The following FAM227B variants were observed in gnomAD, a reference collection of about 807,000 sequenced individuals.
The protein encoded by FAM227B is protein FAM227B.
In FAM227B, 88 loss-of-function variants were observed where a neutral mutation model predicts 73.8. The observed-to-expected ratio is 1.19, with a 90% CI of 1.00 to 1.42. FAM227B has a LOEUF of 1.42. Ranked by LOEUF, FAM227B falls within the 40% of genes most tolerant of loss-of-function variation. FAM227B has a pLI of 0.00. For missense variants in FAM227B, 632 were observed against 590.9 expected, an observed-to-expected ratio of 1.07 and a Z score of -0.72; for synonymous variants, 210 against 190.5, an observed-to-expected ratio of 1.10 and a Z score of -0.84.
At chr15:49,359,538 G>A (rs2043804496) in intron 13 of FAM227B, among the ~76,000 whole-genome samples, 2 of 117,184 alleles carry the variant, frequency 1.7e-5, no homozygotes, top group South Asian at 5.7e-4. Flanking sequence ...ACCACAATGA[G>A]ATACCATCTC....
intron 11 of FAM227B, among the ~76,000 whole-genome samples, chr15:49,458,839 TC>T (rs925548985): frequency 6.6e-6 from 1 of 151,988 alleles, no homozygotes; most frequent in African/African-American, 2.4e-5. Context: ...TCAAAGTATT[TC>T]CCCCCTGCAC....
At chr15:49,499,165 C>CAAAAAAAA (rs11355557) in intron 11 of FAM227B, among the ~76,000 whole-genome samples, 1 of 53,010 alleles carries the variant, frequency 1.9e-5, no homozygotes, top group Non-Finnish European at 3.3e-5. Flanking sequence ...GACTCCGTCT[C>CAAAAAAAA]AAAAAAAAAA....
chr15:49,578,821 G>A lies in FAM227B; in HGVS notation c.406-1157C>T, dbSNP rs575961673. On this transcript the variant is annotated intron_variant, in intron 5 of 15. Transcript: ENST00000299338. ...TCAGAAATGGGACTATATTAAAACA[G>A]GAGGCTGCTGTACAGCAAAGGAAAC... is the stretch of plus-strand genomic sequence containing the variant. Among the ~76,000 whole-genome samples the A allele has an allele frequency of 8.8e-4, 134 of 152,248 alleles. 5 individuals are homozygous for A. In the South Asian group the frequency reaches 0.027, roughly 30 times the overall value.
chr15:49,339,914 CTG>C (rs1357057129), intron 13 of FAM227B, among the ~76,000 whole-genome samples: 4 of 152,188 alleles, frequency 2.6e-5, no homozygotes, highest in Non-Finnish European at 4.4e-5. Flanking sequence ...TTTGTTTACA[CTG>C]TGCGGGTAAA....
chr15:49,581,412 C>CT (rs2075805951), intron 5 of FAM227B, among the ~76,000 whole-genome samples: 2 of 151,768 alleles, frequency 1.3e-5, no homozygotes, highest in African/African-American at 4.8e-5. Context: ...ACTGCAACTT[C>CT]CCCCTCTCAG....
At position 49,590,023 on chromosome 15, in the gene FAM227B, AAG is replaced by A. The variant is rs763026059; in HGVS notation, c.106-18_106-17del. 1 of 1,265,210 alleles carries A rather than the reference AAG, an allele frequency of 7.9e-7. No homozygotes were observed. Among genetic ancestry groups the A allele is most frequent in the Non-Finnish European group, 1.2e-6 (1 of 865,984 alleles). The allele number at this position is 1,265,210 out of a possible 1,614,324, so 78.4% of individuals were successfully genotyped here. A position where few individuals can be genotyped will look rare whatever the true frequency, so the allele number is the denominator to read the frequency against. On this transcript the variant is annotated splice_polypyrimidine_tract_variant and intron_variant, in intron 3 of 15. Coordinates refer to ENST00000299338, the MANE Select transcript of FAM227B (RefSeq NM_152647.3). ...GCCAATAATCCTGCAAAAAACGTGA[AAG>A]AGAGAATATAGCTTAAGTCATTTTT...
At chr15:49,518,414 G>A (rs1157888615) in intron 10 of FAM227B, among the ~76,000 whole-genome samples, 1 of 152,058 alleles carries the variant, frequency 6.6e-6, no homozygotes, top group Non-Finnish European at 1.5e-5. Context: ...AAAACTGTTG[G>A]GAGAACACTG....
intron 11 of FAM227B, among the ~76,000 whole-genome samples, chr15:49,478,366 T>G (rs1005070165): frequency 6.6e-6 from 1 of 152,012 alleles, no homozygotes; most frequent in African/African-American, 2.4e-5. Context: ...GTTTTCAGTG[T>G]TTTTTGTATA....
intron 3 of FAM227B, among the ~76,000 whole-genome samples, chr15:49,604,024 C>T (rs1487558302): frequency 6.6e-6 from 1 of 152,036 alleles, no homozygotes; most frequent in African/African-American, 2.4e-5. Context: ...ATGAATGATA[C>T]TTTTAATGTT....
At chr15:49,366,694 G>A (rs1170662330) in intron 13 of FAM227B, 9 of 1,427,886 alleles carry the variant, frequency 6.3e-6, no homozygotes, top group Non-Finnish European at 8.8e-6. Flanking sequence ...TCGGACTGGT[G>A]GGTGGCGGGT....
intron 6 of FAM227B, chr15:49,577,420 T>C: frequency 4.3e-6 from 2 of 460,758 alleles, no homozygotes; most frequent in Non-Finnish European, 7.9e-6. Flanking sequence ...CTAATTTTGA[T>C]ATAAACTCAA....
At chr15:49,524,621 A>G (rs568136769) in intron 10 of FAM227B, among the ~76,000 whole-genome samples, 1 of 152,270 alleles carries the variant, frequency 6.6e-6, no homozygotes, top group South Asian at 2.1e-4. Context: ...AGTCCCCAGA[A>G]TGGTAGATCC....
intron 11 of FAM227B, among the ~76,000 whole-genome samples, chr15:49,375,138 A>T (rs2046076399): frequency 6.6e-6 from 1 of 152,206 alleles, no homozygotes; most frequent in Admixed American, 6.5e-5. Flanking sequence ...ATGTTAACAT[A>T]ATATACATAA....
At chr15:49,512,621 A>G (rs1389173152) in intron 10 of FAM227B, among the ~76,000 whole-genome samples, 1 of 152,124 alleles carries the variant, frequency 6.6e-6, no homozygotes, top group African/African-American at 2.4e-5. Flanking sequence ...ATACATGTGC[A>G]GAATGTGCAG....
intron 11 of FAM227B, among the ~76,000 whole-genome samples, chr15:49,387,424 C>G (rs1348581575): frequency 6.6e-6 from 1 of 151,754 alleles, no homozygotes; most frequent in Non-Finnish European, 1.5e-5. Flanking sequence ...GCAGAAAAAG[C>G]ATTTGATAAA....
intron 10 of FAM227B, among the ~76,000 whole-genome samples, chr15:49,528,224 A>G (rs1358800104): frequency 6.6e-6 from 1 of 151,904 alleles, no homozygotes; most frequent in Non-Finnish European, 1.5e-5. Context: ...ATCTTTGACT[A>G]AGTCAACAAA....
Position 49,327,864 on chromosome 15 carries a change from T to TTAGA in FAM227B, c.*700_*703dup, listed in dbSNP as rs1335639059. The TTAGA allele has an allele frequency of 6.3e-6, 8 of 1,271,910 alleles. No individual in the cohort carries two copies. The highest frequency in any genetic ancestry group is 4.7e-5 in the Admixed American group (2 of 42,478). The allele number at this position is 1,271,910 out of a possible 1,614,324, so 78.8% of individuals were successfully genotyped here. On this transcript the variant is annotated 3_prime_UTR_variant, in exon 16 of 16. Transcript: ENST00000299338. ...CCCGCATGTATTTTCTTCTTAGAACTTAGATAGGCTATGTGTTCTACAAAC... is the reference window on the plus strand; with the variant it reads ...CCCGCATGTATTTTCTTCTTAGAACTTAGATAGATAGGCTATGTGTTCTACAAAC...
At chr15:49,604,483 C>T (rs2077389395) in intron 3 of FAM227B, among the ~76,000 whole-genome samples, 1 of 152,010 alleles carries the variant, frequency 6.6e-6, no homozygotes, top group Non-Finnish European at 1.5e-5. Flanking sequence ...ATTATCTCAT[C>T]TTTGACTTTT....
In FAM227B at chr15:49,611,172, T is replaced by G. The variant is rs2077889019; in HGVS notation, c.105+43A>C. 4.1e-6 allele frequency: 5 copies of G among 1,206,150 alleles called. No homozygotes were observed. In the East Asian group the frequency reaches 1.2e-4, roughly 28 times the overall value. The allele number at this position is 1,206,150 out of a possible 1,614,324, so 74.7% of individuals were successfully genotyped here. On this transcript the variant is annotated intron_variant, in intron 3 of 15. Transcript: ENST00000299338. ...CTTCTAAATCTCCATAACTGATATT[T>G]TAAAATGATGTAATGGCACATAAAA...
Sources: gnomAD v4.1 joint callset for allele counts (sites outside exome capture counted in the v4.1 genomes callset) on GRCh38, gnomAD v4.1.1 for gene constraint, MANE v1.5 for transcripts, NCBI Gene and HGNC (gene_info 2026-07-23, HGNC 2026-07-21) for gene names.